Variants in FYB1 observed in about 807,000 individuals in gnomAD.
The protein encoded by FYB1 is FYN binding protein 1, also known as FYN-binding protein 1.
Under a neutral mutation model 94.1 loss-of-function variants are expected in FYB1, and 41 were observed. The observed-to-expected ratio is 0.44, with a 90% CI of 0.34 to 0.57. The LOEUF is 0.57. FYB1 is among the 20% of genes least tolerant of loss of function. The probability of loss-of-function intolerance (pLI) is 0.02; values close to 1 mark genes in which losing one functional copy is unlikely to be tolerated. For missense variants in FYB1, 1,050 were observed against 976.8 expected, an observed-to-expected ratio of 1.07 and a Z score of -1.00; for synonymous variants, 367 against 353.2, an observed-to-expected ratio of 1.04 and a Z score of -0.44.
chr5:39,179,088 C>A (rs1745987795), intron 2 of FYB1, among the ~76,000 whole-genome samples: 1 of 152,164 alleles, frequency 6.6e-6, no homozygotes, highest in South Asian at 2.1e-4. Flanking sequence ...AGAGTGCTTC[C>A]TGTGTGCTAG....
At chr5:39,118,092 C>T (rs1330850596) in intron 16 of FYB1, among the ~76,000 whole-genome samples, 1 of 152,054 alleles carries the variant, frequency 6.6e-6, no homozygotes, top group East Asian at 1.9e-4. Context: ...TTAGTAAAGA[C>T]TAGGTCTCGC....
At chr5:39,141,670 T>G (rs1742196507) in intron 3 of FYB1, among the ~76,000 whole-genome samples, 1 of 152,020 alleles carries the variant, frequency 6.6e-6, no homozygotes, top group Non-Finnish European at 1.5e-5. Flanking sequence ...GTTTTTGACA[T>G]AAAACCAATG....
At chr5:39,176,923 C>G (rs1282287346) in intron 2 of FYB1, among the ~76,000 whole-genome samples, 3 of 152,062 alleles carry the variant, frequency 2.0e-5, no homozygotes, top group Non-Finnish European at 4.4e-5. Context: ...GGAGCAAAAA[C>G]AGAAAGGAAA....
At position 39,255,144 on chromosome 5, in the gene FYB1, T is replaced by C. The variant is rs539979685; in HGVS notation, c.-28+19259A>G. 1.6e-4 allele frequency among the ~76,000 whole-genome samples: 24 copies of C among 152,270 alleles called. 1 individual carries two copies. In the East Asian group the frequency reaches 4.4e-3, roughly 28 times the overall value. ...GGAGAAAATCATGGAGCTATTTACA[T>C]TTGGGGGAAAAGGTTTATTGTGGAT... On this transcript the variant is annotated intron_variant, in intron 1 of 1. Transcript: ENST00000510188.
At chr5:39,220,147 G>A (rs1750169673), upstream of FYB1, among the ~76,000 whole-genome samples, 1 of 152,094 alleles carries the variant, frequency 6.6e-6, no homozygotes, top group African/African-American at 2.4e-5. Flanking sequence ...AGTGGGTCAT[G>A]CCTGTAATCC....
chr5:39,187,968 GA>G (rs1746999226), intron 2 of FYB1, among the ~76,000 whole-genome samples: 1 of 152,116 alleles, frequency 6.6e-6, no homozygotes. Flanking sequence ...TAGAAAACAG[GA>G]AAAAGAAAGA....
At chr5:39,131,780 C>A (rs879073572) in intron 9 of FYB1, among the ~76,000 whole-genome samples, 1 of 152,152 alleles carries the variant, frequency 6.6e-6, no homozygotes, top group Admixed American at 6.6e-5. Flanking sequence ...CCACTCTTGG[C>A]AGATACTTTT....
intron 16 of FYB1, among the ~76,000 whole-genome samples, chr5:39,113,587 T>A (rs972428168): frequency 2.0e-5 from 3 of 152,164 alleles, no homozygotes; most frequent in African/African-American, 7.2e-5. Context: ...TAGAAGGGTA[T>A]TGTGAATACA....
In FYB1 at chr5:39,176,928, A is replaced by G. The variant is rs1244455079; in HGVS notation, c.1136-23324T>C. Among the ~76,000 whole-genome samples, 5 of 152,340 alleles carry G rather than the reference A, an allele frequency of 3.3e-5. No homozygotes were observed. In the South Asian group the frequency reaches 8.3e-4, roughly 25 times the overall value. On this transcript the variant is annotated intron_variant, in intron 2 of 18. Transcript: ENST00000512982. ...TTGATAGGCAGGAGCAAAAACAGAA[A>G]GGAAAGAGGCCAGCCTAATTTCCAG...
chr5:39,181,037 G>T (rs780832199), intron 2 of FYB1, among the ~76,000 whole-genome samples: 2 of 152,166 alleles, frequency 1.3e-5, no homozygotes, highest in Admixed American at 6.5e-5. Flanking sequence ...AAGGTGTTTT[G>T]CTGGGCATAC....
chr5:39,108,200 G>A, intron 18 of FYB1, 31 bp downstream of exon 18: 2 of 1,497,850 alleles, frequency 1.3e-6, no homozygotes, highest in East Asian at 2.5e-5. Context: ...CACTATGACT[G>A]TTCTCTAGGG....
chr5:39,108,349 A>G, intron 17 of FYB1, 87 bp from the exon 18 acceptor site: 2 of 1,187,522 alleles, frequency 1.7e-6, no homozygotes, highest in Non-Finnish European at 2.3e-6. Flanking sequence ...TAACAGTATA[A>G]TTTTATAAGA....
At chr5:39,188,830 T>C (rs1431789906) in intron 2 of FYB1, among the ~76,000 whole-genome samples, 4 of 152,094 alleles carry the variant, frequency 2.6e-5, no homozygotes, top group Non-Finnish European at 5.9e-5. Context: ...ACTGCGCCCG[T>C]CTGACTACAG....
chr5:39,270,475 G>A, intron 1 of FYB1: 1 of 1,215,574 alleles, frequency 8.2e-7, no homozygotes, highest in African/African-American at 1.5e-5. Flanking sequence ...CAGAGGACCT[G>A]ACTGTGAAGC....
At chr5:39,238,749 G>A (rs1426423094) in intron 1 of FYB1, among the ~76,000 whole-genome samples, 1 of 152,114 alleles carries the variant, frequency 6.6e-6, no homozygotes, top group African/African-American at 2.4e-5. Context: ...GAGCATAGAT[G>A]GAAAGATGAT....
intron 1 of FYB1, among the ~76,000 whole-genome samples, chr5:39,249,446 A>T (rs890470120): frequency 4.6e-5 from 7 of 152,222 alleles, no homozygotes; most frequent in Admixed American, 3.9e-4. Flanking sequence ...GTAAAAACTG[A>T]CAATGGGCTG....
At chr5:39,243,160 C>G (rs1751298575) in intron 1 of FYB1, among the ~76,000 whole-genome samples, 2 of 151,982 alleles carry the variant, frequency 1.3e-5, no homozygotes, top group South Asian at 4.1e-4. Context: ...TCCCATTTGT[C>G]AATTTTGGCT....
chr5:39,145,058 G>GTC (rs1742523783), intron 3 of FYB1, among the ~76,000 whole-genome samples: 1 of 152,138 alleles, frequency 6.6e-6, no homozygotes, highest in Non-Finnish European at 1.5e-5. Context: ...GTGGGTGAGG[G>GTC]TATAGATAAG....
At chr5:39,136,717 C>T (rs1741706252) in intron 7 of FYB1, among the ~76,000 whole-genome samples, 1 of 152,178 alleles carries the variant, frequency 6.6e-6, no homozygotes, top group South Asian at 2.1e-4. Flanking sequence ...TGATGCTATA[C>T]ATTTTCCTTG....
Sources: allele counts gnomAD v4.1 joint callset (sites outside exome capture counted in the v4.1 genomes callset), GRCh38; gene constraint gnomAD v4.1.1; transcripts MANE v1.5; gene names NCBI Gene and HGNC (gene_info 2026-07-23, HGNC 2026-07-21).